Variants in TFDP2 observed in about 807,000 individuals in gnomAD.
The protein encoded by TFDP2 is transcription factor Dp-2, also known as transcription factor Dp-2 (E2F dimerization partner 2).
A neutral mutation model predicts 59.3 loss-of-function variants in TFDP2; 17 were observed. That is an observed-to-expected ratio of 0.29 (90% CI 0.20 to 0.43). The LOEUF is 0.43. TFDP2 is among the 20% of genes least tolerant of loss of function. TFDP2 has a pLI of 1.00. For missense variants in TFDP2, 391 were observed against 528.8 expected (o/e 0.74, Z 2.56); for synonymous variants, 180 against 194.7 (o/e 0.92, Z 0.63).
intron 1 of TFDP2, among the ~76,000 whole-genome samples, chr3:142,148,304 G>A (rs1035259067): frequency 6.6e-6 from 1 of 152,172 alleles, no homozygotes; most frequent in East Asian, 1.9e-4. Flanking sequence ...GGGCTCAAAG[G>A]CAGCTTCAGC....
rs374521490 is a variant in TFDP2, at chr3:142,122,996, C to T, written c.-92-21155G>A. On this transcript the variant is annotated intron_variant, in intron 1 of 12. Transcript: ENST00000489671. ...TTTTTTGGAGACAGGGTCTCTCCGT[C>T]GCTCAGACTGGAGTGCAGTGGCGCG... is the stretch of plus-strand genomic sequence containing the variant. Among the ~76,000 whole-genome samples, 155 of 151,116 alleles carry T rather than the reference C, an allele frequency of 1.0e-3. 1 individual carries two copies. Among genetic ancestry groups the T allele is most frequent in the African/African-American group, 3.2e-3 (131 of 41,192 alleles).
At chr3:142,136,774 T>A (rs776783967) in intron 1 of TFDP2, among the ~76,000 whole-genome samples, 5 of 152,056 alleles carry the variant, frequency 3.3e-5, no homozygotes, top group Non-Finnish European at 7.4e-5. Context: ...TTGGTACCAG[T>A]ACCATGCTGT....
intron 1 of TFDP2, among the ~76,000 whole-genome samples, chr3:142,139,357 C>T (rs1182672689): frequency 1.3e-5 from 2 of 152,090 alleles, no homozygotes; most frequent in Non-Finnish European, 2.9e-5. Context: ...GGGCATTTAG[C>T]CCATTTACAT....
chr3:142,043,914 C>G, intron 3 of TFDP2: 1 of 888,306 alleles, frequency 1.1e-6, no homozygotes, highest in African/African-American at 1.6e-5. Flanking sequence ...GGCGCAGAAT[C>G]CACATGACCT....
chr3:142,125,485 T>C (rs1376745046), intron 1 of TFDP2, among the ~76,000 whole-genome samples: 4 of 151,664 alleles, frequency 2.6e-5, no homozygotes, highest in African/African-American at 9.7e-5. Context: ...TATGAAATCA[T>C]ACACATACAC....
intron 3 of TFDP2, among the ~76,000 whole-genome samples, chr3:142,025,038 GATTTA>G (rs1318785447): frequency 1.4e-5 from 2 of 146,582 alleles, no homozygotes; most frequent in African/African-American, 5.0e-5. Flanking sequence ...AAAAAAAAAA[GATTTA>G]ATTTAATATT....
intron 2 of TFDP2, among the ~76,000 whole-genome samples, chr3:142,099,899 T>A (rs1396961887): frequency 2.0e-5 from 3 of 152,120 alleles, no homozygotes; most frequent in Non-Finnish European, 4.4e-5. Context: ...CCTCTTCTAA[T>A]TAAACAGCAC....
At chr3:141,970,228 A>AT (rs1314632851) in intron 8 of TFDP2, 87 bp from the exon 9 acceptor site, 16 of 1,299,968 alleles carry the variant, frequency 1.2e-5, no homozygotes, top group Middle Eastern at 2.0e-4. Flanking sequence ...TGAGATAACA[A>AT]TTTTCCCTAG....
intron 6 of TFDP2, among the ~76,000 whole-genome samples, chr3:141,990,181 A>G (rs1942602747): frequency 6.6e-6 from 1 of 152,254 alleles, no homozygotes; most frequent in Non-Finnish European, 1.5e-5. Context: ...GGCGTGAGCC[A>G]CCATGCCCAG....
intron 3 of TFDP2, among the ~76,000 whole-genome samples, chr3:142,066,186 C>T (rs933095823): frequency 6.6e-6 from 1 of 152,176 alleles, no homozygotes; most frequent in Non-Finnish European, 1.5e-5. Flanking sequence ...TCCTTTTGCT[C>T]CTAATGCTTT....
intron 3 of TFDP2, among the ~76,000 whole-genome samples, chr3:142,044,370 G>C (rs1040550071): frequency 6.6e-6 from 1 of 151,532 alleles, no homozygotes; most frequent in Non-Finnish European, 1.5e-5. Flanking sequence ...CAAGTAGCTG[G>C]GACTACAGGC....
intron 2 of TFDP2, among the ~76,000 whole-genome samples, chr3:142,093,534 A>G (rs1417623184): frequency 1.3e-5 from 2 of 152,182 alleles, no homozygotes; most frequent in African/African-American, 4.8e-5. Flanking sequence ...AGCAGAACTG[A>G]GATTTTACAG....
intron 1 of TFDP2, among the ~76,000 whole-genome samples, chr3:142,131,764 G>T (rs1440119212): frequency 6.7e-6 from 1 of 150,066 alleles, no homozygotes; most frequent in South Asian, 2.1e-4. Flanking sequence ...CCAGCATTTT[G>T]AGAGGCCGAG....
At chr3:142,146,950 T>C in intron 1 of TFDP2, among the ~76,000 whole-genome samples, 1 of 151,342 alleles carries the variant, frequency 6.6e-6, no homozygotes, top group Non-Finnish European at 1.5e-5. Context: ...TGTCCAAACA[T>C]GGCGAGGTGT....
At chr3:142,099,951 C>CT (rs2061271797) in intron 2 of TFDP2, among the ~76,000 whole-genome samples, 1 of 152,168 alleles carries the variant, frequency 6.6e-6, no homozygotes, top group African/African-American at 2.4e-5. Flanking sequence ...TGAGAAGTCT[C>CT]TAACTTCTTT....
At chr3:142,077,305 C>A (rs1457467639) in intron 3 of TFDP2, among the ~76,000 whole-genome samples, 1 of 152,106 alleles carries the variant, frequency 6.6e-6, no homozygotes, top group Non-Finnish European at 1.5e-5. Flanking sequence ...GGGCTCAGAG[C>A]CAGTGGACAT....
rs112662540 is a variant in TFDP2 at position 142,025,492 on chromosome 3, T to A, written c.83-19948A>T. On this transcript the variant is annotated intron_variant, in intron 3 of 12. Transcript: ENST00000489671. The stretch of plus-strand genomic sequence containing the variant: ...AGTAACTTATTGTCATGTCTACATT[T>A]ATAATTGTAAGTGATACACATTTTT... Among the ~76,000 whole-genome samples, 381 of 152,350 alleles carry A rather than the reference T, an allele frequency of 2.5e-3. 1 individual carries two copies. Among genetic ancestry groups the A allele is most frequent in the African/African-American group, 8.2e-3 (342 of 41,574 alleles).
chr3:141,984,575 G>T (rs1036529989), intron 6 of TFDP2, among the ~76,000 whole-genome samples: 1 of 152,142 alleles, frequency 6.6e-6, no homozygotes, highest in Admixed American at 6.6e-5. Flanking sequence ...TAGAACAGAG[G>T]GATTGTGGGG....
At chr3:142,109,704 G>T (rs995471430) in intron 1 of TFDP2, among the ~76,000 whole-genome samples, 1 of 151,774 alleles carries the variant, frequency 6.6e-6, no homozygotes, top group African/African-American at 2.4e-5. Flanking sequence ...ATTTGTATTC[G>T]TTAATTTTTA....
Sources: gnomAD v4.1 joint callset for allele counts (sites outside exome capture counted in the v4.1 genomes callset) on GRCh38, gnomAD v4.1.1 for gene constraint, MANE v1.5 for transcripts, NCBI Gene and HGNC (gene_info 2026-07-23, HGNC 2026-07-21) for gene names.